Variants in PSTPIP2 observed in about 807,000 individuals in gnomAD.
PSTPIP2 encodes the protein proline-serine-threonine phosphatase-interacting protein 2.
In PSTPIP2, 33 loss-of-function variants were observed where a neutral mutation model predicts 63.3. The observed-to-expected ratio is 0.52, with a 90% CI of 0.40 to 0.70. PSTPIP2 has a LOEUF of 0.70. Ranked by LOEUF, PSTPIP2 falls within the 30% of genes least tolerant of loss-of-function variation. PSTPIP2 has a pLI of 0.00. For missense variants in PSTPIP2, 312 were observed against 400.7 expected (o/e 0.78, Z 1.89); for synonymous variants, 125 against 132.7 (o/e 0.94, Z 0.40).
chr18:46,047,936 C>G (rs926319692), intron 1 of PSTPIP2, among the ~76,000 whole-genome samples: 5 of 152,168 alleles, frequency 3.3e-5, no homozygotes. Context: ...TCAGTAATTT[C>G]ACAATTGAGA....
At chr18:46,019,229 A>G (rs1266694774) in intron 3 of PSTPIP2, among the ~76,000 whole-genome samples, 2 of 152,204 alleles carry the variant, frequency 1.3e-5, no homozygotes, top group Admixed American at 6.5e-5. Flanking sequence ...GCATAAGATC[A>G]TGCATCATTT....
chr18:46,006,523 G>A (rs140631709), intron 5 of PSTPIP2, among the ~76,000 whole-genome samples: 4,988 of 151,334 alleles, frequency 0.033, 267 homozygotes, highest in African/African-American at 0.11. Context: ...GCAGGCACCC[G>A]CCACCACGCC....
chr18:46,035,667 G>A (rs1907947777), intron 2 of PSTPIP2, among the ~76,000 whole-genome samples: 2 of 152,150 alleles, frequency 1.3e-5, no homozygotes, highest in Non-Finnish European at 2.9e-5. Context: ...TAAAGAAAGG[G>A]AGAGTGTGTC....
chr18:45,999,520 A>C lies in PSTPIP2; in HGVS notation c.432T>G (p.Tyr144Ter). The C allele has an allele frequency of 6.2e-7, 1 of 1,614,176 alleles. No homozygotes were observed. The highest frequency in any genetic ancestry group is 8.5e-7 in the Non-Finnish European group (1 of 1,180,024). The change falls in exon 7 of 15, where the codon TAT becomes TAG. Residue 144 changes from tyrosine (Y) to a stop codon, truncating the protein, a stop_gained. Transcript: ENST00000409746. LOFTEE classifies it high-confidence loss of function. ...FKKTMDAKKN[Y>*]EQKCRDKDEA... ...CATCTTTGTCCCGGCATTTCTGCTC[A>C]TAGTTCTTCTTTGCCTTTGTCATTA...
intron 6 of PSTPIP2, among the ~76,000 whole-genome samples, chr18:46,000,483 C>T (rs1211767658): frequency 6.6e-6 from 1 of 152,326 alleles, no homozygotes; most frequent in East Asian, 1.9e-4. Flanking sequence ...TCTCCTGCCT[C>T]AGTCTCCCTA....
intron 1 of PSTPIP2, among the ~76,000 whole-genome samples, chr18:46,048,600 T>C (rs180730124): frequency 9.1e-4 from 139 of 152,274 alleles, no homozygotes; most frequent in African/African-American, 3.2e-3. Context: ...GGCCTGAATC[T>C]AATCATCAGG....
intron 12 of PSTPIP2, among the ~76,000 whole-genome samples, chr18:45,991,101 C>T (rs568977788): frequency 1.8e-4 from 28 of 152,252 alleles, no homozygotes; most frequent in African/African-American, 6.7e-4. Flanking sequence ...AAACAGCTCC[C>T]ACCTCATTGT....
chr18:46,022,248 C>T (rs1352707696), intron 3 of PSTPIP2, among the ~76,000 whole-genome samples: 1 of 149,924 alleles, frequency 6.7e-6, no homozygotes, highest in Non-Finnish European at 1.5e-5. Flanking sequence ...TAGTTCAATA[C>T]CTTTCTTTGT....
chr18:46,042,355 C>T (rs973457834), intron 1 of PSTPIP2, among the ~76,000 whole-genome samples: 4 of 152,106 alleles, frequency 2.6e-5, no homozygotes, highest in Admixed American at 6.6e-5. Context: ...TAACATTATC[C>T]TCTCCTGAAT....
chr18:46,033,526 G>A (rs1474145382), intron 2 of PSTPIP2, among the ~76,000 whole-genome samples: 5 of 151,894 alleles, frequency 3.3e-5, no homozygotes, highest in Admixed American at 2.6e-4. Context: ...GGTGAAACCC[G>A]GTCTCTACTA....
intron 8 of PSTPIP2, 41 bp downstream of exon 8, chr18:45,998,753 C>G (rs1297672190): frequency 6.2e-7 from 1 of 1,603,136 alleles, no homozygotes; most frequent in Non-Finnish European, 8.5e-7. Flanking sequence ...ACGTAAACCC[C>G]ACCAGCAACC....
At chr18:46,040,974 A>G (rs1406581940) in intron 1 of PSTPIP2, 1 of 456,192 alleles carries the variant, frequency 2.2e-6, no homozygotes, top group Non-Finnish European at 4.4e-6. Context: ...AAACTGACTC[A>G]CGCTACAGGA....
intron 2 of PSTPIP2, among the ~76,000 whole-genome samples, chr18:46,034,109 G>C (rs1442813870): frequency 5.3e-5 from 8 of 152,172 alleles, no homozygotes; most frequent in African/African-American, 1.9e-4. Context: ...ACCACAGTGA[G>C]GGTCCCGGAA....
Position 46,001,796 on chromosome 18 carries a change from T to C in PSTPIP2, c.418-2262A>G, listed in dbSNP as rs185195364. Among the ~76,000 whole-genome samples the C allele has an allele frequency of 6.6e-5, 10 of 152,296 alleles. 1 individual carries two copies. The highest frequency in any genetic ancestry group is 2.4e-4 in the African/African-American group (10 of 41,568). On this transcript the variant is annotated intron_variant, in intron 6 of 14. Transcript: ENST00000409746. ...AGTAGGTTTATATACTTATGGGGTA[T>C]ATGAGATGTTTTGATGCAGGCATGC... is the stretch of plus-strand genomic sequence containing the variant.
chr18:45,991,311 C>T (rs545099983), intron 12 of PSTPIP2, among the ~76,000 whole-genome samples: 34 of 152,252 alleles, frequency 2.2e-4, no homozygotes, highest in Non-Finnish European at 4.4e-4. Context: ...TGAACGGCAG[C>T]GAACTTTTTG....
Position 46,044,389 on chromosome 18 carries a change from G to C in PSTPIP2, c.34-4342C>G, listed in dbSNP as rs570125370. On this transcript the variant is annotated intron_variant, in intron 1 of 14. Transcript: ENST00000409746. The stretch of plus-strand genomic sequence containing the variant: ...ACTATCTGATCTTTGACAAACCTGA[G>C]AAAAACAAGCAATGGGGAAAGGATT... Among the ~76,000 whole-genome samples, 6 of 152,202 alleles carry C rather than the reference G, an allele frequency of 3.9e-5. No homozygotes were observed. In the East Asian group the frequency reaches 7.7e-4, roughly 20 times the overall value.
intron 2 of PSTPIP2, among the ~76,000 whole-genome samples, chr18:46,030,342 CAT>C (rs1255191215): frequency 3.3e-5 from 5 of 151,670 alleles, no homozygotes; most frequent in African/African-American, 9.7e-5. Context: ...TCTTAATAAA[CAT>C]GTGGCAGCTT....
chr18:46,028,332 G>C (rs868525647), intron 2 of PSTPIP2: 88 of 472,668 alleles, frequency 1.9e-4, no homozygotes, highest in Middle Eastern at 9.2e-4. Context: ...CCGGAGCGGG[G>C]CCGAGCGAGC....
intron 2 of PSTPIP2, among the ~76,000 whole-genome samples, chr18:46,035,345 G>A (rs192190199): frequency 2.1e-3 from 316 of 151,612 alleles, no homozygotes; most frequent in African/African-American, 7.2e-3. Context: ...GTCTGAACCC[G>A]GGAGACGGAG....
Sources: allele counts gnomAD v4.1 joint callset (sites outside exome capture counted in the v4.1 genomes callset), GRCh38; gene constraint gnomAD v4.1.1; transcripts MANE v1.5; gene names NCBI Gene and HGNC (gene_info 2026-07-23, HGNC 2026-07-21).